The following KCNA2 variants were observed in gnomAD, a reference collection of about 807,000 sequenced individuals.
The protein encoded by KCNA2 is potassium voltage-gated channel subfamily A member 2, also known as potassium channel, voltage gated shaker related subfamily A, member 2.
A neutral mutation model predicts 33.4 loss-of-function variants in KCNA2; 11 were observed. That is an observed-to-expected ratio of 0.33 (90% CI 0.21 to 0.55). The LOEUF is 0.55. Among genes scored for constraint, KCNA2 ranks in the 20% least tolerant of loss-of-function variants. KCNA2 has a pLI of 0.93. For missense variants in KCNA2, 291 were observed against 621.6 expected (o/e 0.47, Z 5.66); for synonymous variants, 222 against 231.3 (o/e 0.96, Z 0.37).
Position 110,594,730 on chromosome 1 carries a change from AT to A in KCNA2, c.*8552del. On this transcript the variant is annotated 3_prime_UTR_variant, in exon 3 of 3. Transcript: ENST00000316361. ...GGCAGAACTGGGGCAAGCACAGAGC[AT>A]GTTCAAACCCTCAGGAGCTGAGACT... 5.1e-6 allele frequency: 5 copies of A among 985,438 alleles called. No individual in the cohort carries two copies. The highest frequency in any genetic ancestry group is 6.0e-6 in the Non-Finnish European group (5 of 829,980). 61.0% of individuals were successfully genotyped at this position (985,438 alleles called of 1,614,324 possible).
At chr1:110,628,605 G>A (rs924105751) in intron 1 of KCNA2, among the ~76,000 whole-genome samples, 22 of 152,308 alleles carry the variant, frequency 1.4e-4, no homozygotes, top group Middle Eastern at 3.4e-3. Context: ...CCAGTGTCCG[G>A]CATCTGGTGC....
chr1:110,598,250 C>T lies in KCNA2; in HGVS notation c.*5033G>A. The T allele has an allele frequency of 1.7e-6, 1 of 585,610 alleles. No individual in the cohort carries two copies. The highest frequency in any genetic ancestry group is 2.2e-6 in the Non-Finnish European group (1 of 465,078). 36.3% of individuals were successfully genotyped at this position (585,610 alleles called of 1,614,324 possible). The stretch of plus-strand genomic sequence containing the variant: ...ATACAAGTTATTATGACAATGGGCC[C>T]CAGGAAAGCTCTGGGGAGCAGAGCT... On this transcript the variant is annotated 3_prime_UTR_variant, in exon 3 of 3. Transcript: ENST00000316361.
At chr1:110,627,800 A>G (rs1246018510) in intron 1 of KCNA2, among the ~76,000 whole-genome samples, 2 of 151,964 alleles carry the variant, frequency 1.3e-5, no homozygotes, top group Non-Finnish European at 2.9e-5. Flanking sequence ...ACTGCACTCC[A>G]GCCTGGAAAA....
In KCNA2 at chr1:110,594,293, C is replaced by CTCTA. The variant is rs142010556; in HGVS notation, c.*8989_*8990insTAGA. On this transcript the variant is annotated 3_prime_UTR_variant, in exon 3 of 3. Coordinates refer to ENST00000316361, the MANE Select transcript of KCNA2 (RefSeq NM_004974.4). Reference sequence around the variant, plus strand: ...GGCCATTTCCTCTCTCTCTCTCTCTCTATATATATATATACATATATATAT... The same window carrying CTCTA: ...GGCCATTTCCTCTCTCTCTCTCTCTCTCTATATATATATATATACATATATATAT... 2.2e-4 allele frequency: 176 copies of CTCTA among 794,188 alleles called. No individual in the cohort carries two copies. In the East Asian group the frequency reaches 3.0e-3, roughly 14 times the overall value. The allele number at this position is 794,188 out of a possible 1,614,324, so 49.2% of individuals were successfully genotyped here.
chr1:110,606,646 C>T (rs899080439), upstream of KCNA2: 2 of 152,546 alleles, frequency 1.3e-5, no homozygotes, highest in Admixed American at 6.5e-5. Context: ...GGCCCAAGCG[C>T]AGTTCAGCTC....
Position 110,602,515 on chromosome 1 carries a change from T to C in KCNA2, c.*768A>G, listed in dbSNP as rs1649404645. ...CTCCAGTAAGAAACCAGACATGTTT[T>C]TGTGACCCTGGAGCCTGCAAAAATG... is the stretch of plus-strand genomic sequence containing the variant. On this transcript the variant is annotated 3_prime_UTR_variant, in exon 3 of 3. Transcript: ENST00000316361. The C allele has an allele frequency of 1.2e-5, 14 of 1,121,066 alleles. No individual in the cohort carries two copies. The highest frequency in any genetic ancestry group is 1.5e-5 in the Non-Finnish European group (14 of 915,354). The allele number at this position is 1,121,066 out of a possible 1,614,324, so 69.4% of individuals were successfully genotyped here.
intron 1 of KCNA2, among the ~76,000 whole-genome samples, chr1:110,621,072 G>T (rs1221266492): frequency 6.6e-6 from 1 of 152,188 alleles, no homozygotes; most frequent in Non-Finnish European, 1.5e-5. Context: ...TAACTGAAGC[G>T]CCTCCATATG....
chr1:110,593,777 C>A lies in KCNA2; in HGVS notation c.*9506G>T. 2 of 1,282,630 alleles carry A rather than the reference C, an allele frequency of 1.6e-6. No homozygotes were observed. The highest frequency in any genetic ancestry group is 2.2e-6 in the Non-Finnish European group (2 of 921,830). 79.5% of individuals were successfully genotyped at this position (1,282,630 alleles called of 1,614,324 possible). ...CACATATGTACACATATATGTATAA[C>A]CTATGTACAAATATCAGACCCTACT... On this transcript the variant is annotated 3_prime_UTR_variant, in exon 3 of 3. Coordinates refer to ENST00000316361, the MANE Select transcript of KCNA2 (RefSeq NM_004974.4).
chr1:110,596,743 CCACT>C lies in KCNA2; in HGVS notation c.*6536_*6539del, dbSNP rs1649113870. On this transcript the variant is annotated 3_prime_UTR_variant, in exon 3 of 3. Transcript: ENST00000316361. ...TTGAACCAGACATGCTTTCCCATTC[CCACT>C]CAAATAACCAAAATTGCAAAGCAAT... is the stretch of plus-strand genomic sequence containing the variant. The C allele has an allele frequency of 1.0e-6, 1 of 985,292 alleles. No individual in the cohort carries two copies. Among genetic ancestry groups the C allele is most frequent in the African/African-American group, 1.7e-5 (1 of 57,228 alleles). 61.0% of individuals were successfully genotyped at this position (985,292 alleles called of 1,614,324 possible).
At position 110,601,956 on chromosome 1, in the gene KCNA2, T is replaced by G. The variant is rs1368064358; in HGVS notation, c.*1327A>C. On this transcript the variant is annotated 3_prime_UTR_variant, in exon 3 of 3. Coordinates refer to ENST00000316361, the MANE Select transcript of KCNA2 (RefSeq NM_004974.4). ...CAATGTTCAAATGCAATTTCTTTTCTATCACTAGCTAGGTAGAGGAACGCG... is the reference window on the plus strand; with the variant it reads ...CAATGTTCAAATGCAATTTCTTTTCGATCACTAGCTAGGTAGAGGAACGCG... The G allele has an allele frequency of 1.3e-6, 2 of 1,503,626 alleles. No homozygotes were observed. The highest frequency in any genetic ancestry group is 1.8e-6 in the Non-Finnish European group (2 of 1,124,286). The allele number at this position is 1,503,626 out of a possible 1,614,324, so 93.1% of individuals were successfully genotyped here.
At chr1:110,628,604 G>C (rs552412065) in intron 1 of KCNA2, among the ~76,000 whole-genome samples, 1 of 152,300 alleles carries the variant, frequency 6.6e-6, no homozygotes, top group Admixed American at 6.5e-5. Context: ...TCCAGTGTCC[G>C]GCATCTGGTG....
At position 110,601,977 on chromosome 1, in the gene KCNA2, A is replaced by G; in HGVS notation, c.*1306T>C. On this transcript the variant is annotated 3_prime_UTR_variant, in exon 3 of 3. Coordinates refer to ENST00000316361, the MANE Select transcript of KCNA2 (RefSeq NM_004974.4). ...TTTCTATCACTAGCTAGGTAGAGGA[A>G]CGCGTGAAAGAGAGATACTCGATAT... The G allele has an allele frequency of 6.5e-7, 1 of 1,527,238 alleles. No homozygotes were observed. The highest frequency in any genetic ancestry group is 8.8e-7 in the Non-Finnish European group (1 of 1,131,990). The allele number at this position is 1,527,238 out of a possible 1,614,324, so 94.6% of individuals were successfully genotyped here. A position where few individuals can be genotyped will look rare whatever the true frequency, so the allele number is the denominator to read the frequency against.
At position 110,596,546 on chromosome 1, in the gene KCNA2, G is replaced by C. The variant is rs914899489; in HGVS notation, c.*6737C>G. On this transcript the variant is annotated 3_prime_UTR_variant, in exon 3 of 3. Coordinates refer to ENST00000316361, the MANE Select transcript of KCNA2 (RefSeq NM_004974.4). ...CTGTCTTGTAGCCAGCAGCCATTCA[G>C]CCTGTCTCTTTGGTCTTCTCTACCT... 1.0e-4 allele frequency: 22 copies of C among 210,634 alleles called. No homozygotes were observed. The highest frequency in any genetic ancestry group is 1.5e-4 in the Non-Finnish European group (18 of 121,680). The allele number at this position is 210,634 out of a possible 1,614,324, so 13.0% of individuals were successfully genotyped here. A position where few individuals can be genotyped will look rare whatever the true frequency, so the allele number is the denominator to read the frequency against.
At chr1:110,627,064 G>C (rs1650411413) in intron 1 of KCNA2, among the ~76,000 whole-genome samples, 1 of 152,162 alleles carries the variant, frequency 6.6e-6, no homozygotes, top group Non-Finnish European at 1.5e-5. Context: ...AGGAATTGCT[G>C]TCTCTGTTTC....
intron 1 of KCNA2, among the ~76,000 whole-genome samples, chr1:110,627,874 G>T (rs1650443813): frequency 6.6e-6 from 1 of 152,048 alleles, no homozygotes; most frequent in Non-Finnish European, 1.5e-5. Flanking sequence ...TGGGGACAAA[G>T]TGAAGAGGGA....
intron 2 of KCNA2, among the ~76,000 whole-genome samples, chr1:110,605,161 T>C (rs1044389785): frequency 6.6e-6 from 1 of 152,160 alleles, no homozygotes; most frequent in Admixed American, 6.5e-5. Flanking sequence ...ATGCCCTGCA[T>C]TGGGGGAAGG....
chr1:110,607,186 CT>C (rs1649682957), upstream of KCNA2: 1 of 152,232 alleles, frequency 6.6e-6, no homozygotes, highest in African/African-American at 2.4e-5. Flanking sequence ...CCCGCAGCCC[CT>C]CTGGGCGCCG....
upstream of KCNA2, chr1:110,607,334 G>A (rs1649695998): frequency 6.6e-6 from 1 of 151,130 alleles, no homozygotes; most frequent in Non-Finnish European, 1.5e-5. Context: ...GCGGCGGGGT[G>A]CGGGCGGCCA....
Position 110,604,005 on chromosome 1 carries a change from T to C in KCNA2, c.778A>G (p.Ile260Val), listed in dbSNP as rs1286846139. The C allele has an allele frequency of 8.1e-6, 13 of 1,614,056 alleles. No individual in the cohort carries two copies. The highest frequency in any genetic ancestry group is 1.3e-5 in the African/African-American group (1 of 74,920). Residue 260 changes from isoleucine to valine, a missense_variant, in exon 3 of 3, where the codon ATT becomes GTT. Around this residue, in one of 5 missense-constraint regions of KCNA2, gnomAD observed 43 missense variants for 159.4 expected, o/e 0.27. Coordinates refer to ENST00000316361, the MANE Select transcript of KCNA2 (RefSeq NM_004974.4). This position sits in a 1 kb window ranked among gnomAD's most constrained non-coding sequence, Gnocchi z 7.6. ...ATGAAGTAGGGGATGATGGCCACAA[T>C]GTCAATGATGTTCATGATGTTGGTG... Reference protein sequence around the residue: ...FFTNIMNIIDIVAIIPYFITL... With the variant: ...FFTNIMNIIDVVAIIPYFITL...
Sources: gnomAD v4.1 joint callset for allele counts (sites outside exome capture counted in the v4.1 genomes callset) on GRCh38, gnomAD v4.1.1 for gene constraint, gnomAD v4.1.1 regional missense constraint, Gnocchi (gnomAD v3.1) non-coding constraint, MANE v1.5 for transcripts, NCBI Gene and HGNC (gene_info 2026-07-23, HGNC 2026-07-21) for gene names.